Variants in USP28 observed in about 807,000 individuals in gnomAD.
USP28 encodes the protein ubiquitin carboxyl-terminal hydrolase 28.
USP28 carries 113 observed loss-of-function variants against 145.0 expected under a neutral mutation model. The observed-to-expected ratio is 0.78, with a 90% CI of 0.67 to 0.91. The LOEUF (loss-of-function observed/expected upper bound fraction) is 0.91, where lower values mean the gene tolerates loss of function less well. USP28 is among the 40% of genes least tolerant of loss of function. USP28 has a pLI of 0.00. For missense variants in USP28, 1,201 were observed against 1,289.6 expected, an observed-to-expected ratio of 0.93 and a Z score of 1.05; for synonymous variants, 447 against 450.9, an observed-to-expected ratio of 0.99 and a Z score of 0.11.
chr11:113,835,236 T>A (rs1326959909), intron 5 of USP28: 5 of 449,790 alleles, frequency 1.1e-5, no homozygotes, highest in Non-Finnish European at 2.2e-5. Flanking sequence ...TTTAAAAATA[T>A]CTCCTGTATG....
chr11:113,842,404 T>G (rs1453699460), intron 3 of USP28, among the ~76,000 whole-genome samples: 1 of 151,764 alleles, frequency 6.6e-6, no homozygotes, highest in East Asian at 1.9e-4. Flanking sequence ...GCTAACACGG[T>G]GAAACCCCGT....
chr11:113,868,663 G>C (rs1948525821), intron 1 of USP28, among the ~76,000 whole-genome samples: 2 of 152,134 alleles, frequency 1.3e-5, no homozygotes. Context: ...GTTCACGCCT[G>C]TAATCCCAAA....
At chr11:113,865,119 G>A (rs1048946633) in intron 1 of USP28, among the ~76,000 whole-genome samples, 5 of 152,124 alleles carry the variant, frequency 3.3e-5, no homozygotes, top group East Asian at 1.9e-4. Context: ...GATTACAGGC[G>A]TGAGGCACTG....
At chr11:113,839,211 G>T (rs1456168447) in intron 5 of USP28, among the ~76,000 whole-genome samples, 1 of 152,180 alleles carries the variant, frequency 6.6e-6, no homozygotes, top group Non-Finnish European at 1.5e-5. Flanking sequence ...AAGGACAAAA[G>T]GGCACTCTGT....
intron 9 of USP28, 70 bp from the exon 10 acceptor site, chr11:113,829,415 C>G: frequency 6.4e-7 from 1 of 1,566,668 alleles, no homozygotes; most frequent in Non-Finnish European, 8.6e-7. Flanking sequence ...TCTGGCTCCA[C>G]AGAGACAACA....
intron 17 of USP28, 60 bp downstream of exon 17, chr11:113,809,003 G>C (rs1290225013): frequency 1.3e-6 from 2 of 1,550,970 alleles, no homozygotes; most frequent in East Asian, 4.5e-5. Flanking sequence ...TATAGGGCTG[G>C]CTAGGGGAGT....
chr11:113,863,668 G>A (rs1424228680), intron 1 of USP28, among the ~76,000 whole-genome samples: 6 of 151,402 alleles, frequency 4.0e-5, no homozygotes, highest in African/African-American at 1.5e-4. Context: ...AAATTAGGCC[G>A]GGCGCGGTGG....
exon 24 of USP28, chr11:113,801,630 A>C (rs1310376902): frequency 6.3e-7 from 1 of 1,591,678 alleles, no homozygotes; most frequent in Non-Finnish European, 8.6e-7. Flanking sequence ...TCAGTTACGG[A>C]GTGATCATCA....
chr11:113,849,551 G>A (rs1591404858), intron 3 of USP28, among the ~76,000 whole-genome samples: 2 of 152,232 alleles, frequency 1.3e-5, no homozygotes, highest in East Asian at 3.9e-4. Context: ...CCTATTAAAG[G>A]GATGTCCGTA....
At chr11:113,821,891 G>C (rs1942654495) in intron 12 of USP28, 1 of 153,758 alleles carries the variant, frequency 6.5e-6, no homozygotes, top group Non-Finnish European at 1.5e-5. Flanking sequence ...CATGGGGACA[G>C]TGGGTGGTGG....
chr11:113,851,985 C>T (rs1293055970), intron 3 of USP28, among the ~76,000 whole-genome samples: 2 of 152,154 alleles, frequency 1.3e-5, no homozygotes, highest in Non-Finnish European at 2.9e-5. Flanking sequence ...ATAGTTGGTC[C>T]TCACTAAATA....
At chr11:113,808,958 G>T in intron 17 of USP28, 105 bp downstream of exon 17, 1 of 1,090,784 alleles carries the variant, frequency 9.2e-7, no homozygotes, top group Non-Finnish European at 1.3e-6. Context: ...GAAATATACT[G>T]TGAAGACTGT....
chr11:113,867,112 G>A (rs1948347073), intron 1 of USP28, among the ~76,000 whole-genome samples: 1 of 152,190 alleles, frequency 6.6e-6, no homozygotes, highest in African/African-American at 2.4e-5. Flanking sequence ...AAAGTAGATT[G>A]GTATTGCCAG....
At chr11:113,839,542 G>A (rs999020248) in intron 5 of USP28, among the ~76,000 whole-genome samples, 5 of 151,892 alleles carry the variant, frequency 3.3e-5, no homozygotes, top group Non-Finnish European at 5.9e-5. Context: ...CCTAGATTGC[G>A]CCATCTTGTC....
At chr11:113,807,227 C>A (rs1382334639) in intron 18 of USP28, among the ~76,000 whole-genome samples, 1 of 152,116 alleles carries the variant, frequency 6.6e-6, no homozygotes, top group Non-Finnish European at 1.5e-5. Context: ...TGTATGCCAC[C>A]ATGCCCAGCT....
In USP28 at chr11:113,841,649, G is replaced by T; in HGVS notation, c.374+14C>A. ...CAAATGTGGGGGGCAAGAATTATAA[G>T]TTAAATCAATAACCTGTTAAGATCT... On this transcript the variant is annotated intron_variant, in intron 4 of 24. Transcript: ENST00000003302. 1 of 1,571,938 alleles carries T rather than the reference G, an allele frequency of 6.4e-7. No individual in the cohort carries two copies. The highest frequency in any genetic ancestry group is 8.7e-7 in the Non-Finnish European group (1 of 1,148,074).
rs67545117 is a variant in USP28 at position 113,837,995 on chromosome 11, G to GA, written c.534+2602dup. Among the ~76,000 whole-genome samples the GA allele has an allele frequency of 4.2e-3, 613 of 145,162 alleles. 2 individuals carry two copies. Among genetic ancestry groups the GA allele is most frequent in the African/African-American group, 0.014 (569 of 39,758 alleles). On this transcript the variant is annotated intron_variant, in intron 5 of 24. Coordinates refer to ENST00000003302, the Ensembl canonical transcript of USP28. Reference sequence around the variant, plus strand: ...AAAAATAGCTGCTAATTTCACAGAGGAAAAAAAAAAAGACTAGACACTACT... The same window carrying GA: ...AAAAATAGCTGCTAATTTCACAGAGGAAAAAAAAAAAAGACTAGACACTACT...
At chr11:113,852,238 C>G (rs1311521829) in intron 3 of USP28, among the ~76,000 whole-genome samples, 1 of 152,138 alleles carries the variant, frequency 6.6e-6, no homozygotes, top group Non-Finnish European at 1.5e-5. Flanking sequence ...CCGTGTTAGC[C>G]AGGATGGTCT....
intron 5 of USP28, among the ~76,000 whole-genome samples, chr11:113,837,152 C>G (rs898721800): frequency 6.6e-6 from 1 of 152,188 alleles, no homozygotes; most frequent in African/African-American, 2.4e-5. Flanking sequence ...GTATTATACA[C>G]ATTTTATTCA....
Sources: gnomAD v4.1 joint callset for allele counts (sites outside exome capture counted in the v4.1 genomes callset) on GRCh38, gnomAD v4.1.1 for gene constraint, MANE v1.5 for transcripts, NCBI Gene and HGNC (gene_info 2026-07-23, HGNC 2026-07-21) for gene names.